Variants in NLRP7 observed in about 807,000 individuals in gnomAD.
The protein encoded by NLRP7 is NACHT, LRR and PYD domains-containing protein 7.
Under a neutral mutation model 85.5 loss-of-function variants are expected in NLRP7, and 72 were observed. That is an observed-to-expected ratio of 0.84 (90% confidence interval 0.70 to 1.02). The LOEUF is 1.02. Ranked by LOEUF, NLRP7 falls within the 50% of genes least tolerant of loss-of-function variation. NLRP7 has a pLI of 0.00. For synonymous variants in NLRP7, 550 were observed against 505.2 expected (o/e 1.09, Z -1.19); for missense variants, 1,243 against 1,219.5 (o/e 1.02, Z -0.29).
chr19:54,941,259 A>G (rs2069206882), intron 2 of NLRP7, among the ~76,000 whole-genome samples, 176 bp downstream of exon 2: 1 of 150,846 alleles, frequency 6.6e-6, no homozygotes, highest in Non-Finnish European at 1.5e-5. Context: ...AATCCCAGCT[A>G]CTCCGGAGGC....
chr19:54,926,465 T>C (rs2146143275), intron 9 of NLRP7, among the ~76,000 whole-genome samples: 1 of 152,296 alleles, frequency 6.6e-6, no homozygotes, highest in South Asian at 2.1e-4. Flanking sequence ...CTTCTCTGCA[T>C]GGGAAATTCA....
chr19:54,962,630 T>C (rs775844), intron 1 of NLRP7, among the ~76,000 whole-genome samples: 39,002 of 148,408 alleles, frequency 0.26, 5,169 homozygotes, highest in East Asian at 0.37. Context: ...GACAGAGTCT[T>C]GCTCTGTCAC....
intron 3 of NLRP7, 144 bp downstream of exon 3, chr19:54,940,787 A>AC: frequency 1.4e-6 from 1 of 724,024 alleles, no homozygotes; most frequent in Admixed American, 2.1e-5. Flanking sequence ...AGACGGAGCC[A>AC]CTACACTCCA....
intron 9 of NLRP7, among the ~76,000 whole-genome samples, chr19:54,925,960 G>A (rs951199385): frequency 2.4e-4 from 37 of 151,110 alleles, no homozygotes; most frequent in Admixed American, 5.3e-4. Context: ...AGATCGCACC[G>A]CTTCACTCCA....
At chr19:54,939,802 G>T (rs201973549) in exon 4 of NLRP7, 2 of 1,613,918 alleles carry the variant, frequency 1.2e-6, no homozygotes, top group African/African-American at 1.3e-5. Context: ...CTTGGTCCTC[G>T]TCTCCAAAGT....
chr19:54,940,264 G>T, exon 4 of NLRP7: 1 of 1,614,210 alleles, frequency 6.2e-7, no homozygotes, highest in Non-Finnish European at 8.5e-7. Flanking sequence ...TGGCCAGCGT[G>T]GTTTTCCCCA....
upstream of NLRP7, among the ~76,000 whole-genome samples, chr19:54,950,059 G>A (rs138126940): frequency 5.9e-5 from 9 of 151,432 alleles, no homozygotes; most frequent in African/African-American, 1.7e-4. Context: ...CTGAGATAGC[G>A]CCACTGCACT....
intron 8 of NLRP7, 69 bp from the exon 9 acceptor site, chr19:54,930,735 C>A: frequency 7.7e-7 from 1 of 1,292,804 alleles, no homozygotes; most frequent in Non-Finnish European, 1.1e-6. Context: ...CAGTTATTTC[C>A]AACACTATAT....
At chr19:54,941,728 G>A in exon 2 of NLRP7, 1 of 1,609,432 alleles carries the variant, frequency 6.2e-7, no homozygotes, top group African/African-American at 1.3e-5. Context: ...CCGAGTATGA[G>A]ACCTTAGGTT....
At chr19:54,956,818 C>T (rs2069872445) in intron 1 of NLRP7, among the ~76,000 whole-genome samples, 1 of 150,330 alleles carries the variant, frequency 6.7e-6, no homozygotes, top group Admixed American at 6.7e-5. Context: ...TTAGTAGAAA[C>T]GGGGTTTCAC....
At chr19:54,956,599 C>T (rs2069862211) in intron 1 of NLRP7, among the ~76,000 whole-genome samples, 1 of 151,194 alleles carries the variant, frequency 6.6e-6, no homozygotes, top group South Asian at 2.1e-4. Flanking sequence ...GAGGCTGAGG[C>T]AGGAGAATCA....
intron 9 of NLRP7, among the ~76,000 whole-genome samples, chr19:54,925,771 G>T (rs1354791534): frequency 1.3e-5 from 2 of 152,090 alleles, no homozygotes; most frequent in African/African-American, 4.8e-5. Flanking sequence ...GGCCGAGGTG[G>T]GCAGATCACC....
intron 6 of NLRP7, 36 bp downstream of exon 6, chr19:54,936,225 C>G (rs1343595195): frequency 6.3e-7 from 1 of 1,594,152 alleles, no homozygotes; most frequent in Admixed American, 1.7e-5. Flanking sequence ...GCAGTGGACT[C>G]CAGGTGCTGG....
chr19:54,950,235 T>TC (rs1333578429), upstream of NLRP7, among the ~76,000 whole-genome samples: 17 of 151,742 alleles, frequency 1.1e-4, no homozygotes, highest in Non-Finnish European at 2.2e-4. Flanking sequence ...CCTCTAAACC[T>TC]CCCCCTACGC....
At position 54,945,003 on chromosome 19, in the gene NLRP7, GC is replaced by G. The variant is rs2069403408; in HGVS notation, c.-40+2465del. 2.6e-5 allele frequency among the ~76,000 whole-genome samples: 4 copies of G among 152,062 alleles called. No homozygotes were observed. The South Asian group carries it at 6.2e-4, about 24-fold the overall frequency. The stretch of plus-strand genomic sequence containing the variant: ...GCCTGTAATCCCAGCACTATGGGAG[GC>G]CGAGGCGGGCAGATCACAAGGTGAG... On this transcript the variant is annotated intron_variant, in intron 1 of 9. Transcript: ENST00000340844.
chr19:54,934,018 CTG>C lies in NLRP7; in HGVS notation c.2472-281_2472-280del, dbSNP rs2068785908. Among the ~76,000 whole-genome samples the C allele has an allele frequency of 1.3e-5, 2 of 152,236 alleles. No individual in the cohort carries two copies. Among genetic ancestry groups the C allele is most frequent in the African/African-American group, 2.4e-5 (1 of 41,470 alleles). On this transcript the variant is annotated intron_variant, in intron 7 of 9. Transcript: ENST00000340844. This position sits in a 1 kb window ranked among gnomAD's most constrained non-coding sequence, Gnocchi z 6.7. ...AGTGCAGTGGCGCGATCTCGGTTCACTGCCAATCGCCGCCTCCCAGGTTTACA... is the reference window on the plus strand; with the variant it reads ...AGTGCAGTGGCGCGATCTCGGTTCACCCAATCGCCGCCTCCCAGGTTTACA...
chr19:54,932,597 C>T (rs906238415), intron 8 of NLRP7, among the ~76,000 whole-genome samples: 1 of 152,088 alleles, frequency 6.6e-6, no homozygotes, highest in South Asian at 2.1e-4. Flanking sequence ...AACTATAGTT[C>T]GTGGGTCAAT....
At position 54,934,029 on chromosome 19, in the gene NLRP7, C is replaced by T. The variant is rs576573088; in HGVS notation, c.2472-290G>A. Among the ~76,000 whole-genome samples the T allele has an allele frequency of 2.0e-4, 31 of 152,278 alleles. No individual in the cohort carries two copies. The highest frequency in any genetic ancestry group is 6.8e-3 in the Middle Eastern group (2 of 294). On this transcript the variant is annotated intron_variant, in intron 7 of 9. Coordinates refer to ENST00000340844, the Ensembl canonical transcript of NLRP7. This position sits in a 1 kb window ranked among gnomAD's most constrained non-coding sequence, Gnocchi z 6.7. Reference sequence around the variant, plus strand: ...GCGATCTCGGTTCACTGCCAATCGCCGCCTCCCAGGTTTACACCATTCTGC... The same window carrying T: ...GCGATCTCGGTTCACTGCCAATCGCTGCCTCCCAGGTTTACACCATTCTGC...
chr19:54,939,125 A>G (rs1376841936), exon 4 of NLRP7: 2 of 1,614,248 alleles, frequency 1.2e-6, no homozygotes, highest in Non-Finnish European at 1.7e-6. Context: ...CAGGTCGGTC[A>G]CGGATAAGGG....
Sources: gnomAD v4.1 joint callset for allele counts (sites outside exome capture counted in the v4.1 genomes callset) on GRCh38, gnomAD v4.1.1 for gene constraint, Gnocchi (gnomAD v3.1) non-coding constraint, MANE v1.5 for transcripts, NCBI Gene and HGNC (gene_info 2026-07-23, HGNC 2026-07-21) for gene names.